The following CHODL variants were observed in gnomAD, a reference collection of about 807,000 sequenced individuals.
The protein encoded by CHODL is transmembrane protein MT75.
CHODL carries 29 observed loss-of-function variants against 34.5 expected under a neutral mutation model. The observed-to-expected ratio is 0.84, with a 90% CI of 0.63 to 1.15. The LOEUF (loss-of-function observed/expected upper bound fraction) is 1.15. Ranked by LOEUF, CHODL falls within the 50% of genes most tolerant of loss-of-function variation. The probability of loss-of-function intolerance (pLI) is 0.00; values close to 1 mark genes in which losing one functional copy is unlikely to be tolerated. For synonymous variants in CHODL, 125 were observed against 116.1 expected (o/e 1.08, Z -0.49); for missense variants, 332 against 332.5 (o/e 1.00, Z 0.01).
intron 1 of CHODL, among the ~76,000 whole-genome samples, chr21:18,255,798 G>T (rs2074308422): frequency 6.6e-6 from 1 of 151,960 alleles, no homozygotes; most frequent in Non-Finnish European, 1.5e-5. Flanking sequence ...TAAAATGAGA[G>T]AAGACATTGG....
intron 2 of CHODL, among the ~76,000 whole-genome samples, chr21:18,115,453 ATC>A (rs1482274011): frequency 1.3e-5 from 2 of 152,124 alleles, no homozygotes; most frequent in Non-Finnish European, 2.9e-5. Flanking sequence ...ACTCCAGGGA[ATC>A]TCTCTGCCCT....
chr21:18,236,766 CAA>C (rs2074032277), intron 2 of CHODL, among the ~76,000 whole-genome samples: 2 of 152,040 alleles, frequency 1.3e-5, no homozygotes. Flanking sequence ...CAATACATGA[CAA>C]GTTTTCTACT....
intron 2 of CHODL, among the ~76,000 whole-genome samples, chr21:18,071,106 T>C (rs1313372945): frequency 6.6e-6 from 1 of 150,762 alleles, no homozygotes; most frequent in Non-Finnish European, 1.5e-5. Flanking sequence ...GTCCAGACCC[T>C]CAAAATCCTA....
chr21:18,042,578 TG>T (rs1161456601), intron 2 of CHODL, among the ~76,000 whole-genome samples: 5 of 152,000 alleles, frequency 3.3e-5, no homozygotes, highest in African/African-American at 1.2e-4. Context: ...ACAGTTCAGG[TG>T]CTCTAAACCA....
chr21:18,206,576 GT>G (rs2073714030), intron 2 of CHODL, among the ~76,000 whole-genome samples: 1 of 149,020 alleles, frequency 6.7e-6, no homozygotes, highest in Non-Finnish European at 1.5e-5. Flanking sequence ...TGGCTCTTGT[GT>G]TTTTTTCTTT....
chr21:18,130,492 T>C (rs2072641811), intron 2 of CHODL, among the ~76,000 whole-genome samples: 1 of 152,154 alleles, frequency 6.6e-6, no homozygotes, highest in South Asian at 2.1e-4. Flanking sequence ...TCTGTGTCAA[T>C]ACAAATAGTT....
chr21:18,192,934 A>G (rs1207036742), intron 2 of CHODL, among the ~76,000 whole-genome samples: 1 of 152,170 alleles, frequency 6.6e-6, no homozygotes, highest in African/African-American at 2.4e-5. Flanking sequence ...TTTTAAAAAG[A>G]GTAGGCATTA....
At chr21:18,217,223 TTG>T (rs967379055) in intron 2 of CHODL, among the ~76,000 whole-genome samples, 1 of 152,136 alleles carries the variant, frequency 6.6e-6, no homozygotes, top group African/African-American at 2.4e-5. Context: ...TAAGGAATCT[TTG>T]TGTTAGTCCA....
intron 1 of CHODL, among the ~76,000 whole-genome samples, chr21:17,943,159 A>G (rs1436218062): frequency 1.3e-5 from 2 of 152,218 alleles, no homozygotes; most frequent in African/African-American, 4.8e-5. Flanking sequence ...AGATTTGATT[A>G]AAGTCCATAG....
At chr21:17,978,645 A>C (rs1174136061) in intron 1 of CHODL, among the ~76,000 whole-genome samples, 4 of 150,468 alleles carry the variant, frequency 2.7e-5, no homozygotes, top group Admixed American at 2.6e-4. Context: ...GTGAACCCAG[A>C]AGGCGGAGCT....
At chr21:18,139,497 G>A (rs774710338) in intron 2 of CHODL, among the ~76,000 whole-genome samples, 1 of 152,068 alleles carries the variant, frequency 6.6e-6, no homozygotes, top group Non-Finnish European at 1.5e-5. Context: ...CAAGTAAAGT[G>A]GGGGCAGAGA....
intron 1 of CHODL, among the ~76,000 whole-genome samples, chr21:18,252,595 G>C (rs904392898): frequency 6.6e-6 from 1 of 152,076 alleles, no homozygotes; most frequent in Non-Finnish European, 1.5e-5. Context: ...TGCACGATAA[G>C]GTGGAAGTCA....
At chr21:18,101,556 C>A (rs1463281928) in intron 2 of CHODL, among the ~76,000 whole-genome samples, 1 of 151,972 alleles carries the variant, frequency 6.6e-6, no homozygotes, top group African/African-American at 2.4e-5. Flanking sequence ...AAGATAAATT[C>A]TTGAATTTTT....
rs1005393527 is a variant in CHODL, at chr21:18,210,957, C to T, written c.-44-45552C>T. Among the ~76,000 whole-genome samples the T allele has an allele frequency of 2.6e-5, 4 of 152,270 alleles. No individual in the cohort carries two copies. In the East Asian group the frequency reaches 5.8e-4, roughly 22 times the overall value. Reference sequence around the variant, plus strand: ...TGGCACTTGTTACCTCTCTGAACCACCTCCTACTATCATCCCTGATTGAAT... The same window carrying T: ...TGGCACTTGTTACCTCTCTGAACCATCTCCTACTATCATCCCTGATTGAAT... On this transcript the variant is annotated intron_variant, in intron 2 of 6. Transcript: ENST00000400127.
chr21:18,208,538 C>T (rs2073738438), intron 2 of CHODL, among the ~76,000 whole-genome samples: 1 of 151,976 alleles, frequency 6.6e-6, no homozygotes, highest in South Asian at 2.1e-4. Context: ...GATCTTGATG[C>T]TTGTGAATGT....
chr21:18,186,397 TA>T (rs976977164), intron 2 of CHODL, among the ~76,000 whole-genome samples: 486 of 144,362 alleles, frequency 3.4e-3, no homozygotes, highest in Middle Eastern at 0.021. Flanking sequence ...GAAGAAAAGT[TA>T]AAAAAAAAAA....
At chr21:18,136,105 C>CAAAAAAAAAAAAA (rs67552520) in intron 2 of CHODL, among the ~76,000 whole-genome samples, 13 of 89,446 alleles carry the variant, frequency 1.5e-4, no homozygotes, top group African/African-American at 3.3e-4. Context: ...GATTATGTCT[C>CAAAAAAAAAAAAA]AAAAAAAAAA....
intron 1 of CHODL, among the ~76,000 whole-genome samples, chr21:17,960,248 T>C (rs2063522205): frequency 6.6e-6 from 1 of 152,206 alleles, no homozygotes; most frequent in Non-Finnish European, 1.5e-5. Flanking sequence ...AAACTCCATC[T>C]CTTATAGCTG....
intron 1 of CHODL, among the ~76,000 whole-genome samples, chr21:17,921,333 C>T (rs563365691): frequency 3.3e-5 from 5 of 152,274 alleles, no homozygotes; most frequent in Admixed American, 3.3e-4. Flanking sequence ...ATGCAAAGTT[C>T]ACTGTTTTAA....
Sources: allele counts gnomAD v4.1 joint callset (sites outside exome capture counted in the v4.1 genomes callset), GRCh38; gene constraint gnomAD v4.1.1; transcripts MANE v1.5; gene names NCBI Gene and HGNC (gene_info 2026-07-23, HGNC 2026-07-21).